PP2D1: variants seen among roughly 807,000 people sequenced by gnomAD.
The protein encoded by PP2D1 is protein phosphatase 2C-like domain-containing protein 1.
Under a neutral mutation model 30.2 loss-of-function variants are expected in PP2D1, and 25 were observed. The ratio of observed to expected loss-of-function variants is 0.83; its 90% CI spans 0.60 to 1.16. The LOEUF is 1.16. Ranked by LOEUF, PP2D1 falls within the 50% of genes most tolerant of loss-of-function variation. PP2D1 has a pLI of 0.00. For synonymous variants in PP2D1, 260 were observed against 258.9 expected (o/e 1.00, Z -0.04); for missense variants, 760 against 742.4 (o/e 1.02, Z -0.28).
In PP2D1 at chr3:20,001,199, A is replaced by G. The variant is rs924666748; in HGVS notation, c.921T>C (p.Val307=). The change falls in exon 2 of 3, where the codon GTT becomes GTC. Residue 307 remains valine, a synonymous_variant. Transcript: ENST00000389050. ...LGLGRKEVSR[V]QWSGCSAVTC... ...TAACTGCAGAGCAGCCACTCCATTGAACCCTGGACACTTCTTTTCTTCCAA... is the reference window on the plus strand; with the variant it reads ...TAACTGCAGAGCAGCCACTCCATTGGACCCTGGACACTTCTTTTCTTCCAA... The G allele has an allele frequency of 6.5e-7, 1 of 1,528,638 alleles. No individual in the cohort carries two copies. Among genetic ancestry groups the G allele is most frequent in the African/African-American group, 1.4e-5 (1 of 72,596 alleles). 94.7% of individuals were successfully genotyped at this position (1,528,638 alleles called of 1,614,324 possible).
intron 1 of PP2D1, among the ~76,000 whole-genome samples, chr3:20,010,634 T>C (rs1320610542): frequency 1.3e-5 from 2 of 151,932 alleles, no homozygotes; most frequent in Non-Finnish European, 2.9e-5. Flanking sequence ...AAACCCCATC[T>C]GTACTAAAAA....
intron 1 of PP2D1, among the ~76,000 whole-genome samples, chr3:20,002,373 A>T (rs1469211070): frequency 6.6e-6 from 1 of 152,236 alleles, no homozygotes; most frequent in African/African-American, 2.4e-5. Context: ...TACCTTAGAC[A>T]TGCGAAAGTA....
At chr3:20,009,882 A>G (rs1036952301) in intron 1 of PP2D1, among the ~76,000 whole-genome samples, 1 of 152,214 alleles carries the variant, frequency 6.6e-6, no homozygotes, top group Non-Finnish European at 1.5e-5. Context: ...TTTATTTACA[A>G]ATGTCCACGT....
At chr3:20,008,008 A>C (rs1697341986) in intron 1 of PP2D1, 1 of 200,154 alleles carries the variant, frequency 5.0e-6, no homozygotes, top group Non-Finnish European at 1.1e-5. Context: ...TATAAAATTG[A>C]AATGTGTGCC....
chr3:19,986,828 C>G (rs1000465847), intron 2 of PP2D1, among the ~76,000 whole-genome samples: 1 of 151,912 alleles, frequency 6.6e-6, no homozygotes, highest in African/African-American at 2.4e-5. Flanking sequence ...TGAGGTCAGG[C>G]GTTCGAGACC....
intron 1 of PP2D1, among the ~76,000 whole-genome samples, chr3:20,009,695 G>A: frequency 6.6e-6 from 1 of 152,144 alleles, no homozygotes; most frequent in East Asian, 1.9e-4. Context: ...AGTGCACTAT[G>A]TGATAGGCAA....
chr3:20,007,939 A>T (rs1208207961), intron 1 of PP2D1: 1 of 223,262 alleles, frequency 4.5e-6, no homozygotes, highest in Non-Finnish European at 9.9e-6. Context: ...TTTCTGCCAG[A>T]TGTGGCGCTG....
chr3:19,984,637 A>G (rs1482282555), downstream of PP2D1: 1 of 162,244 alleles, frequency 6.2e-6, no homozygotes, highest in Non-Finnish European at 1.3e-5. Context: ...TTCCCTTTTG[A>G]CATAATATAG....
intron 2 of PP2D1, among the ~76,000 whole-genome samples, chr3:19,998,111 C>T (rs1697205041): frequency 2.0e-5 from 3 of 152,142 alleles, no homozygotes; most frequent in African/African-American, 4.8e-5. Flanking sequence ...GGGTGGGTCA[C>T]CTGAGGCCAG....
chr3:20,001,904 T>C lies in PP2D1; in HGVS notation c.216A>G (p.Glu72=). 1 of 1,536,454 alleles carries C rather than the reference T, an allele frequency of 6.5e-7. No individual in the cohort carries two copies. The highest frequency in any genetic ancestry group is 1.2e-5 in the South Asian group (1 of 84,052). The change falls in exon 2 of 3, where the codon GAA becomes GAG. Residue 72 remains glutamate (E), a synonymous_variant. Coordinates refer to ENST00000389050, the MANE Select transcript of PP2D1 (RefSeq NM_001252657.2). ...TTLPCSICKH[E]IDLTGIFLHK... is the part of the protein sequence containing the mutation. ...GGAGAAAAATACCAGTTAGGTCAAT[T>C]TCGTGCTTGCATATGGAACAGGGTA...
intron 1 of PP2D1, among the ~76,000 whole-genome samples, chr3:20,005,511 T>G (rs2125146436): frequency 6.6e-6 from 1 of 152,292 alleles, no homozygotes; most frequent in South Asian, 2.1e-4. Context: ...AGTTCATATA[T>G]AAATTGTATT....
intron 1 of PP2D1, among the ~76,000 whole-genome samples, chr3:20,002,778 G>A (rs560028435): frequency 2.6e-5 from 4 of 152,046 alleles, no homozygotes; most frequent in East Asian, 1.9e-4. Flanking sequence ...AAACTAGTTC[G>A]GGCGCGGTGG....
rs1559495603 is a variant in PP2D1 at position 19,985,879 on chromosome 3, TC to T, written c.1393del (p.Glu465LysfsTer7). ...NGLWEVLDKE[E>X]VTALAMTTFH... ...TGTTGTCATTGCCAGGGCAGTAACTTCCTCTTTATCCAAAACTTCCCAAAGT... is the reference window on the plus strand; with the variant it reads ...TGTTGTCATTGCCAGGGCAGTAACTTCTCTTTATCCAAAACTTCCCAAAGT... On this transcript the variant is annotated frameshift_variant, in exon 3 of 3. Transcript: ENST00000389050. LOFTEE classifies it low-confidence loss of function (END_TRUNC). 9 of 1,536,426 alleles carry T rather than the reference TC, an allele frequency of 5.9e-6. No individual in the cohort carries two copies. In the South Asian group the frequency reaches 7.1e-5, roughly 12 times the overall value.
At chr3:19,990,204 G>T (rs1165254979) in intron 2 of PP2D1, among the ~76,000 whole-genome samples, 1 of 152,202 alleles carries the variant, frequency 6.6e-6, no homozygotes, top group East Asian at 1.9e-4. Flanking sequence ...GAGTGCAGTG[G>T]CATGATCACG....
At position 20,012,169 on chromosome 3, in the gene PP2D1, G is replaced by A. The variant is rs1467402431; in HGVS notation, c.-97C>T. The A allele has an allele frequency of 2.9e-6, 3 of 1,017,374 alleles. No homozygotes were observed. Among genetic ancestry groups the A allele is most frequent in the Non-Finnish European group, 4.3e-6 (3 of 692,498 alleles). The allele number at this position is 1,017,374 out of a possible 1,614,324, so 63.0% of individuals were successfully genotyped here. The stretch of plus-strand genomic sequence containing the variant: ...TAGTGATGGTGATGGTGGAGGTAGA[G>A]GTGAATGTGATGGCTGTGGCAGAAG... On this transcript the variant is annotated 5_prime_UTR_variant, in exon 1 of 3. Transcript: ENST00000389050.
chr3:20,001,401 A>G lies in PP2D1; in HGVS notation c.719T>C (p.Met240Thr). Residue 240 changes from methionine to threonine, a missense_variant, in exon 2 of 3, where the codon ATG becomes ACG. By Grantham distance (81) the Met-to-Thr change is moderately conservative. Around this residue, in one of 3 missense-constraint regions of PP2D1, gnomAD observed 374 missense variants for 388.8 expected, o/e 0.96. Transcript: ENST00000389050. ...QLSKFDPSYQ[M>T]TTDEQQIINS... ...GATTATTTGTTGCTCATCAGTTGTC[A>G]TTTGGTAAGAAGGATCAAATTTGGA... The G allele has an allele frequency of 2.6e-6, 4 of 1,536,678 alleles. No homozygotes were observed. Among genetic ancestry groups the G allele is most frequent in the Non-Finnish European group, 3.5e-6 (4 of 1,147,022 alleles).
Position 19,985,905 on chromosome 3 carries a change from T to A in PP2D1, c.1368A>T (p.Gly456=). The part of the protein sequence containing the change: ...LCQFLIVATN[G]LWEVLDKEEV... ...CCTCTTTATCCAAAACTTCCCAAAG[T>A]CCATTAGTAGCTACAATAAGGAATT... The change falls in exon 3 of 3, where the codon GGA becomes GGT. Residue 456 remains glycine (G), a synonymous_variant. Transcript: ENST00000389050. The A allele has an allele frequency of 6.5e-7, 1 of 1,536,432 alleles. No homozygotes were observed. The highest frequency in any genetic ancestry group is 8.7e-7 in the Non-Finnish European group (1 of 1,146,962).
At chr3:20,007,339 G>GATA (rs1697331614) in intron 1 of PP2D1, among the ~76,000 whole-genome samples, 1 of 152,040 alleles carries the variant, frequency 6.6e-6, no homozygotes, top group East Asian at 1.9e-4. Flanking sequence ...ATCCAAAGTT[G>GATA]GTTGAATTCA....
intron 2 of PP2D1, among the ~76,000 whole-genome samples, chr3:19,992,096 A>G (rs1483015358): frequency 6.6e-6 from 1 of 152,218 alleles, no homozygotes; most frequent in African/African-American, 2.4e-5. Context: ...ATGCATGGAC[A>G]GGAGCTTTGT....
Sources: allele counts gnomAD v4.1 joint callset (sites outside exome capture counted in the v4.1 genomes callset), GRCh38; gene constraint gnomAD v4.1.1; regional missense constraint gnomAD v4.1.1; transcripts MANE v1.5; gene names NCBI Gene and HGNC (gene_info 2026-07-23, HGNC 2026-07-21).